The following MED27 variants were observed in gnomAD, a reference collection of about 807,000 sequenced individuals.
MED27 encodes mediator complex subunit 27, also known as mediator of RNA polymerase II transcription subunit 27.
Under a neutral mutation model 38.2 loss-of-function variants are expected in MED27, and 30 were observed. The observed-to-expected ratio is 0.79, with a 90% CI of 0.59 to 1.07. The LOEUF (loss-of-function observed/expected upper bound fraction) is 1.07. Among genes scored for constraint, MED27 ranks in the 50% least tolerant of loss-of-function variants. The pLI, the probability that MED27 is intolerant of heterozygous loss-of-function variation, is 0.00. For missense variants in MED27, 289 were observed against 397.5 expected (o/e 0.73, Z 2.32); for synonymous variants, 122 against 153.5 (o/e 0.79, Z 1.52).
chr9:132,061,788 T>C (rs532959608), intron 2 of MED27, among the ~76,000 whole-genome samples: 39 of 152,360 alleles, frequency 2.6e-4, no homozygotes, highest in African/African-American at 7.2e-4. Flanking sequence ...CTTCAGAAAC[T>C]GTGAAGGGCT....
At chr9:131,991,725 T>C (rs1428027912) in intron 3 of MED27, among the ~76,000 whole-genome samples, 1 of 152,220 alleles carries the variant, frequency 6.6e-6, no homozygotes, top group Non-Finnish European at 1.5e-5. Flanking sequence ...TATTTGTTTG[T>C]TTATTTATTT....
rs963945084 is a variant in MED27, at chr9:132,033,302, C to T, written c.349-18835G>A. ...AAGCTTCCTGGGACATTGTATGGTC[C>T]GAGGCTTCGGATTCAATACCACATT... On this transcript the variant is annotated intron_variant, in intron 2 of 7. Coordinates refer to ENST00000292035, the MANE Select transcript of MED27 (RefSeq NM_004269.4). Among the ~76,000 whole-genome samples the T allele has an allele frequency of 5.9e-5, 9 of 152,106 alleles. No homozygotes were observed. In the East Asian group the frequency reaches 9.6e-4, roughly 16 times the overall value.
intron 2 of MED27, among the ~76,000 whole-genome samples, chr9:132,046,890 C>T (rs549425092): frequency 6.6e-6 from 1 of 152,186 alleles, no homozygotes; most frequent in African/African-American, 2.4e-5. Context: ...GCAAATAAAG[C>T]CCCAGTTTTT....
chr9:131,979,718 AT>A (rs1182311471), intron 3 of MED27, among the ~76,000 whole-genome samples: 5 of 152,206 alleles, frequency 3.3e-5, no homozygotes, highest in Admixed American at 3.3e-4. Context: ...TGACATCTCC[AT>A]AAGGACATCT....
At chr9:131,955,494 A>G (rs1792481339) in intron 3 of MED27, among the ~76,000 whole-genome samples, 1 of 152,206 alleles carries the variant, frequency 6.6e-6, no homozygotes, top group African/African-American at 2.4e-5. Context: ...AAAATCAACA[A>G]AACTGAGAAG....
chr9:132,055,443 C>A (rs947297982), intron 2 of MED27, among the ~76,000 whole-genome samples: 2 of 152,138 alleles, frequency 1.3e-5, no homozygotes, highest in African/African-American at 4.8e-5. Flanking sequence ...ACTTTATAAA[C>A]AAAATACAGT....
intron 4 of MED27, among the ~76,000 whole-genome samples, chr9:131,931,609 CA>C (rs1830589467): frequency 6.6e-6 from 1 of 152,036 alleles, no homozygotes; most frequent in African/African-American, 2.4e-5. Context: ...CTGTTGCCTA[CA>C]AAAACAGCCT....
intron 4 of MED27, among the ~76,000 whole-genome samples, chr9:131,916,568 G>C (rs1470061126): frequency 6.6e-6 from 1 of 152,112 alleles, no homozygotes; most frequent in East Asian, 1.9e-4. Flanking sequence ...ACTGTTCTTC[G>C]AACAACAAGG....
chr9:132,004,798 T>C (rs1832320663), intron 3 of MED27, among the ~76,000 whole-genome samples: 2 of 152,176 alleles, frequency 1.3e-5, no homozygotes, highest in Non-Finnish European at 2.9e-5. Flanking sequence ...GAACATGCTG[T>C]GAAAGGATGT....
At chr9:131,868,568 G>A (rs1399922299) in intron 6 of MED27, 11 of 983,348 alleles carry the variant, frequency 1.1e-5, no homozygotes, top group East Asian at 1.1e-4. Context: ...GCGCCACTGC[G>A]CCCGGCCCAC....
At chr9:131,865,887 T>C (rs1471359173) in intron 6 of MED27, among the ~76,000 whole-genome samples, 1 of 152,236 alleles carries the variant, frequency 6.6e-6, no homozygotes, top group Non-Finnish European at 1.5e-5. Flanking sequence ...GACCATCTCA[T>C]AGGCTACTGT....
At chr9:131,977,319 G>C (rs1041741662) in intron 3 of MED27, among the ~76,000 whole-genome samples, 5 of 152,272 alleles carry the variant, frequency 3.3e-5, no homozygotes, top group African/African-American at 1.2e-4. Flanking sequence ...AAGTAGTACT[G>C]AACTGAAAGT....
intron 4 of MED27, among the ~76,000 whole-genome samples, chr9:131,912,170 A>G (rs1312495436): frequency 6.6e-6 from 1 of 152,212 alleles, no homozygotes; most frequent in Non-Finnish European, 1.5e-5. Context: ...GACATTTTCC[A>G]AAGTCTACTT....
At position 131,917,167 on chromosome 9, in the gene MED27, G is replaced by C. The variant is rs1268636488; in HGVS notation, c.573+22214C>G. 6.6e-6 allele frequency among the ~76,000 whole-genome samples: 1 copy of C among 152,120 alleles called. No individual in the cohort carries two copies. The highest frequency in any genetic ancestry group is 1.5e-5 in the Non-Finnish European group (1 of 68,020). On this transcript the variant is annotated intron_variant, in intron 4 of 7. Coordinates refer to ENST00000292035, the MANE Select transcript of MED27 (RefSeq NM_004269.4). The surrounding 1 kb of genome is among the most constrained non-coding windows in gnomAD (Gnocchi z 4.6). ...GGGAGCTATTGGCATTTAGCAGATTGGAGCCAGGAATGCTAAACCTTCTGC... is the reference window on the plus strand; with the variant it reads ...GGGAGCTATTGGCATTTAGCAGATTCGAGCCAGGAATGCTAAACCTTCTGC...
intron 5 of MED27, among the ~76,000 whole-genome samples, chr9:131,891,089 A>T (rs1406951494): frequency 1.3e-5 from 2 of 152,224 alleles, no homozygotes; most frequent in Non-Finnish European, 2.9e-5. Context: ...CCATGTTCAT[A>T]AGCAAAGAGG....
chr9:131,867,949 A>G (rs1838764052), intron 6 of MED27, among the ~76,000 whole-genome samples: 1 of 152,218 alleles, frequency 6.6e-6, no homozygotes, highest in South Asian at 2.1e-4. Flanking sequence ...CAGGCACTAC[A>G]GGAGAATGGC....
chr9:131,990,613 G>GCA (rs1242391219), intron 3 of MED27, among the ~76,000 whole-genome samples: 1 of 152,178 alleles, frequency 6.6e-6, no homozygotes, highest in Non-Finnish European at 1.5e-5. Context: ...TGGGTTGCTT[G>GCA]CACACCCCAC....
intron 2 of MED27, among the ~76,000 whole-genome samples, chr9:132,029,260 C>T (rs1187572334): frequency 6.6e-6 from 1 of 152,154 alleles, no homozygotes; most frequent in Non-Finnish European, 1.5e-5. Context: ...TAAGCAAATA[C>T]AGAACATGCA....
rs1396638052 is a variant in MED27, at chr9:132,051,587, T to C, written c.348+25855A>G. On this transcript the variant is annotated intron_variant, in intron 2 of 7. Coordinates refer to ENST00000292035, the MANE Select transcript of MED27 (RefSeq NM_004269.4). This position sits in a 1 kb window ranked among gnomAD's most constrained non-coding sequence, Gnocchi z 4.2. ...AAGCACTCATCTACATGGCCCAAGGTTCCTTCCAGCCTCCAGATCTGTGTT... is the reference window on the plus strand; with the variant it reads ...AAGCACTCATCTACATGGCCCAAGGCTCCTTCCAGCCTCCAGATCTGTGTT... Among the ~76,000 whole-genome samples the C allele has an allele frequency of 6.6e-6, 1 of 152,204 alleles. No homozygotes were observed. Among genetic ancestry groups the C allele is most frequent in the African/African-American group, 2.4e-5 (1 of 41,448 alleles).
Sources: allele counts gnomAD v4.1 joint callset (sites outside exome capture counted in the v4.1 genomes callset), GRCh38; gene constraint gnomAD v4.1.1; non-coding constraint Gnocchi (gnomAD v3.1); transcripts MANE v1.5; gene names NCBI Gene and HGNC (gene_info 2026-07-23, HGNC 2026-07-21).